CEP112: variants seen among roughly 807,000 people sequenced by gnomAD.
CEP112 encodes the protein centrosomal protein 112.
CEP112 carries 127 observed loss-of-function variants against 153.0 expected under a neutral mutation model. The ratio of observed to expected loss-of-function variants is 0.83; its 90% CI spans 0.72 to 0.96. The LOEUF is 0.96. Ranked by LOEUF, CEP112 falls within the 40% of genes least tolerant of loss-of-function variation. The probability of loss-of-function intolerance (pLI) is 0.00; values close to 1 mark genes in which losing one functional copy is unlikely to be tolerated. For missense variants in CEP112, 1,089 were observed against 1,101.2 expected (o/e 0.99, Z 0.16); for synonymous variants, 358 against 374.4 (o/e 0.96, Z 0.51).
intron 24 of CEP112, among the ~76,000 whole-genome samples, chr17:65,649,714 T>A (rs1422996602): frequency 2.5e-5 from 2 of 81,060 alleles, no homozygotes; most frequent in African/African-American, 1.5e-4. Context: ...TAAGACCCTG[T>A]CTCAAAAAAA....
intron 6 of CEP112, among the ~76,000 whole-genome samples, chr17:66,105,952 T>C (rs1405179010): frequency 6.6e-6 from 1 of 152,170 alleles, no homozygotes; most frequent in African/African-American, 2.4e-5. Flanking sequence ...CAAGTTTTAT[T>C]ACCTCTGACC....
At chr17:65,821,540 ATTTTTTTTTTTTTTTT>A (rs869059954) in intron 21 of CEP112, among the ~76,000 whole-genome samples, 9 of 33,640 alleles carry the variant, frequency 2.7e-4, no homozygotes, top group Admixed American at 5.3e-4. Context: ...ATATATATAT[ATTTTTTTTTTTTTTTT>A]TTTTTTTTTT....
intron 12 of CEP112, among the ~76,000 whole-genome samples, chr17:66,047,386 G>C (rs2066256356): frequency 6.6e-6 from 1 of 152,154 alleles, no homozygotes; most frequent in South Asian, 2.1e-4. Flanking sequence ...CAAAGTGCTG[G>C]GATTACAGGC....
At position 65,852,005 on chromosome 17, in the gene CEP112, GT is replaced by G. The variant is rs1286950536; in HGVS notation, c.2192del (p.His731ProfsTer3). 12 of 1,612,054 alleles carry G rather than the reference GT, an allele frequency of 7.4e-6. No homozygotes were observed. Among genetic ancestry groups the G allele is most frequent in the Non-Finnish European group, 1.0e-5 (12 of 1,179,610 alleles). The stretch of plus-strand genomic sequence containing the variant: ...CATTGATCAATTCTTCTCTCAACTT[GT>G]GAACCTGGGCCTCCATGTCGGCAAT... Reference protein sequence around the residue: ...QVIADMEAQVHKLREELINVN... With the variant: ...QVIADMEAQVXKLREELINVN... On this transcript the variant is annotated frameshift_variant, in exon 21 of 27. Transcript: ENST00000535342. LOFTEE classifies it high-confidence loss of function.
intron 24 of CEP112, among the ~76,000 whole-genome samples, chr17:65,652,654 A>G (rs2143644222): frequency 6.6e-6 from 1 of 152,190 alleles, no homozygotes; most frequent in South Asian, 2.1e-4. Flanking sequence ...ATGTTTTTGT[A>G]TTTTTTAGTA....
chr17:65,658,136 C>T (rs2046152795), intron 24 of CEP112, among the ~76,000 whole-genome samples: 1 of 152,232 alleles, frequency 6.6e-6, no homozygotes, highest in African/African-American at 2.4e-5. Flanking sequence ...ACATTATCTA[C>T]TCACTCCATA....
chr17:66,042,311 C>CT (rs1214871078), intron 12 of CEP112, among the ~76,000 whole-genome samples: 1 of 152,102 alleles, frequency 6.6e-6, no homozygotes, highest in African/African-American at 2.4e-5. Flanking sequence ...GATTGTGCAA[C>CT]TACACTTTAG....
At chr17:66,185,443 G>A (rs1568593844) in intron 1 of CEP112, among the ~76,000 whole-genome samples, 1 of 152,046 alleles carries the variant, frequency 6.6e-6, no homozygotes. Flanking sequence ...GGCTGGTCTC[G>A]AACTCCTGAC....
chr17:65,995,330 C>A (rs547416884), intron 17 of CEP112, among the ~76,000 whole-genome samples: 2 of 152,044 alleles, frequency 1.3e-5, no homozygotes, highest in African/African-American at 4.8e-5. Context: ...GAATGATATA[C>A]AGAAGTGCTC....
intron 20 of CEP112, among the ~76,000 whole-genome samples, chr17:65,883,180 T>G (rs2059147585): frequency 6.6e-6 from 1 of 151,918 alleles, no homozygotes; most frequent in South Asian, 2.1e-4. Context: ...GGTGCTCTGA[T>G]AGAACACAGC....
chr17:65,726,693 T>C (rs1598409073), intron 23 of CEP112, among the ~76,000 whole-genome samples: 2 of 152,314 alleles, frequency 1.3e-5, no homozygotes. Flanking sequence ...TACGACGTTT[T>C]CAGAAATTAA....
intron 12 of CEP112, among the ~76,000 whole-genome samples, chr17:66,033,818 C>T (rs1227954465): frequency 1.3e-5 from 2 of 152,300 alleles, no homozygotes; most frequent in South Asian, 2.1e-4. Context: ...TGCACTAGAT[C>T]TCCTGTTTCT....
rs74269525 is a variant in CEP112 at position 66,000,492 on chromosome 17, T to TAAAA, written c.1736+5194_1736+5197dup. ...TTACTAGAGCAACTTGTCAGTAGAT[T>TAAAA]AAAAAAAAAAAAAAAGGATAACCTT... On this transcript the variant is annotated intron_variant, in intron 17 of 26. Transcript: ENST00000535342. Among the ~76,000 whole-genome samples, 103 of 139,830 alleles carry TAAAA rather than the reference T, an allele frequency of 7.4e-4. 4 individuals carry two copies. Among genetic ancestry groups the TAAAA allele is most frequent in the East Asian group, 5.8e-3 (27 of 4,656 alleles). The allele number at this position is 139,830 out of a possible 152,430, so 91.7% of individuals were successfully genotyped here.
At chr17:66,180,117 T>A (rs1598507617) in intron 2 of CEP112, among the ~76,000 whole-genome samples, 1 of 152,162 alleles carries the variant, frequency 6.6e-6, no homozygotes, top group Non-Finnish European at 1.5e-5. Context: ...TTTGCATTAA[T>A]GTTCATCAGG....
Position 65,775,133 on chromosome 17 carries a change from G to A in CEP112, c.2395-24409C>T, listed in dbSNP as rs923388678. ...GAAAATCAGCATTTGACCATCTTTT[G>A]GTCAACATAGGGGAGAGGAACCTGA... On this transcript the variant is annotated intron_variant, in intron 21 of 26. Transcript: ENST00000535342. 1.4e-4 allele frequency among the ~76,000 whole-genome samples: 22 copies of A among 152,038 alleles called. 1 individual carries two copies. Among genetic ancestry groups the A allele is most frequent in the Non-Finnish European group, 4.4e-5 (3 of 68,016 alleles).
Position 65,766,415 on chromosome 17 carries a change from TAAAC to T in CEP112, c.2395-15695_2395-15692del, listed in dbSNP as rs550866184. 9.6e-4 allele frequency among the ~76,000 whole-genome samples: 144 copies of T among 149,234 alleles called. 1 individual carries two copies. The highest frequency in any genetic ancestry group is 3.2e-3 in the African/African-American group (131 of 41,162). The stretch of plus-strand genomic sequence containing the variant: ...ACACAAAAAAATAAAGAAAAAAGAA[TAAAC>T]ACCTAACACTATAGAAGATCACCAA... On this transcript the variant is annotated intron_variant, in intron 21 of 26. Coordinates refer to ENST00000535342, the MANE Select transcript of CEP112 (RefSeq NM_001199165.4).
At chr17:65,742,998 G>A (rs934321946) in intron 23 of CEP112, 70 bp downstream of exon 23, 10 of 1,299,570 alleles carry the variant, frequency 7.7e-6, no homozygotes, top group Non-Finnish European at 9.5e-6. Flanking sequence ...GCCCACTGCT[G>A]GGATTTCAGC....
intron 18 of CEP112, among the ~76,000 whole-genome samples, chr17:65,938,641 GGAA>G (rs1353776601): frequency 1.3e-5 from 2 of 152,048 alleles, no homozygotes; most frequent in African/African-American, 2.4e-5. Context: ...TAGTAGGAAA[GGAA>G]GAAGTAGAAT....
At chr17:66,125,084 T>G (rs997914351) in intron 6 of CEP112, among the ~76,000 whole-genome samples, 1 of 152,116 alleles carries the variant, frequency 6.6e-6, no homozygotes, top group Non-Finnish European at 1.5e-5. Context: ...GTTAAGAAAA[T>G]AAGTGCTGAT....
Sources: allele counts gnomAD v4.1 joint callset (sites outside exome capture counted in the v4.1 genomes callset), GRCh38; gene constraint gnomAD v4.1.1; transcripts MANE v1.5; gene names NCBI Gene and HGNC (gene_info 2026-07-23, HGNC 2026-07-21).